Variants in MAPT observed in about 807,000 individuals in gnomAD.
MAPT encodes the protein microtubule-associated protein tau.
MAPT carries 34 observed loss-of-function variants against 67.9 expected under a neutral mutation model. That is an observed-to-expected ratio of 0.50 (90% confidence interval 0.38 to 0.67). The LOEUF is 0.67. Among genes scored for constraint, MAPT ranks in the 30% least tolerant of loss-of-function variants. MAPT has a pLI of 0.00. For missense variants in MAPT, 881 were observed against 1,115.2 expected, an observed-to-expected ratio of 0.79 and a Z score of 2.99; for synonymous variants, 456 against 464.5, an observed-to-expected ratio of 0.98 and a Z score of 0.23.
At chr17:46,001,073 T>C (rs2074960094) in intron 9 of MAPT, among the ~76,000 whole-genome samples, 1 of 151,960 alleles carries the variant, frequency 6.6e-6, no homozygotes, top group African/African-American at 2.4e-5. Flanking sequence ...TACAATTTTT[T>C]TTTTAATTAG....
chr17:45,902,284 T>C (rs1392503107), intron 1 of MAPT, among the ~76,000 whole-genome samples: 1 of 152,196 alleles, frequency 6.6e-6, no homozygotes, highest in Non-Finnish European at 1.5e-5. Context: ...TTGGCCAGGC[T>C]GGTCCCGAAC....
At chr17:45,944,622 G>A (rs182420420) in intron 1 of MAPT, among the ~76,000 whole-genome samples, 5 of 152,294 alleles carry the variant, frequency 3.3e-5, no homozygotes, top group African/African-American at 1.2e-4. Context: ...GGCCTCCCCA[G>A]CCCCTGCCAT....
intron 1 of MAPT, among the ~76,000 whole-genome samples, chr17:45,899,059 G>T (rs750710816): frequency 6.6e-6 from 1 of 152,190 alleles, no homozygotes; most frequent in Admixed American, 6.5e-5. Context: ...CTCAGCAGGT[G>T]ACGGGAAGAG....
chr17:45,976,852 C>T (rs1362898060), intron 3 of MAPT: 4 of 152,316 alleles, frequency 2.6e-5, no homozygotes, highest in African/African-American at 9.6e-5. Context: ...CACCCAGTGC[C>T]GTGGCAGTGA....
chr17:45,941,708 T>TGCC (rs2067981208), intron 1 of MAPT, among the ~76,000 whole-genome samples: 1 of 103,896 alleles, frequency 9.6e-6, no homozygotes, highest in Admixed American at 1.0e-4. Flanking sequence ...CCTGCCTGCC[T>TGCC]TCCTTCCTTC....
chr17:45,962,678 C>A (rs1361542672), intron 2 of MAPT, among the ~76,000 whole-genome samples: 1 of 152,202 alleles, frequency 6.6e-6, no homozygotes, highest in Non-Finnish European at 1.5e-5. Context: ...GTAATCCCAG[C>A]ACTTTGGAAG....
At chr17:45,922,937 A>G (rs8079630) in intron 1 of MAPT, among the ~76,000 whole-genome samples, 2 of 152,354 alleles carry the variant, frequency 1.3e-5, no homozygotes, top group East Asian at 1.9e-4. Context: ...AGCAACACCA[A>G]TGTCTTCCGG....
At chr17:46,007,811 C>T (rs2075554322) in intron 9 of MAPT, among the ~76,000 whole-genome samples, 2 of 152,006 alleles carry the variant, frequency 1.3e-5, no homozygotes, top group Admixed American at 1.3e-4. Context: ...TAACTTTGAC[C>T]CAGAAATTCT....
chr17:45,978,453 G>GGT lies in MAPT; in HGVS notation c.286+13_286+14insGT. On this transcript the variant is annotated intron_variant, in intron 4 of 12. Coordinates refer to ENST00000262410, the MANE Select transcript of MAPT (RefSeq NM_001377265.1). ...CACGTGACCCAAGGTCAGTGAACTG[G>GGT]AATTGCCTGCCATGACTTGGGGGTT... 6.7e-7 allele frequency: 1 copy of GGT among 1,495,082 alleles called. No individual in the cohort carries two copies. The highest frequency in any genetic ancestry group is 1.1e-5 in the South Asian group (1 of 89,362). The allele number at this position is 1,495,082 out of a possible 1,614,324, so 92.6% of individuals were successfully genotyped here. A position where few individuals can be genotyped will look rare whatever the true frequency, so the allele number is the denominator to read the frequency against.
rs1491426788 is a variant in MAPT at position 45,941,688 on chromosome 17, T to TTCCTTCCC, written c.-17-20626_-17-20625insCTCCTTCC. On this transcript the variant is annotated intron_variant, in intron 1 of 12. Coordinates refer to ENST00000262410, the MANE Select transcript of MAPT (RefSeq NM_001377265.1). ...CCCCCTTCCCCCCTTCCCTCCTTCCTTCCTTCCTTCCTGCCTGCCTTCCTT... is the reference window on the plus strand; with the variant it reads ...CCCCCTTCCCCCCTTCCCTCCTTCCTTCCTTCCCTCCTTCCTTCCTGCCTGCCTTCCTT... Among the ~76,000 whole-genome samples, 163 of 58,494 alleles carry TTCCTTCCC rather than the reference T, an allele frequency of 2.8e-3. 7 individuals carry two copies. The highest frequency in any genetic ancestry group is 8.1e-3 in the Middle Eastern group (1 of 124). 38.4% of individuals were successfully genotyped at this position (58,494 alleles called of 152,430 possible).
chr17:45,970,755 G>T (rs1281703600), intron 2 of MAPT, among the ~76,000 whole-genome samples: 1 of 152,176 alleles, frequency 6.6e-6, no homozygotes, highest in Non-Finnish European at 1.5e-5. Context: ...CAGCCATCTT[G>T]CCCCTTGGTC....
intron 1 of MAPT, among the ~76,000 whole-genome samples, chr17:45,921,993 A>G (rs1057481531): frequency 6.6e-6 from 1 of 151,770 alleles, no homozygotes; most frequent in African/African-American, 2.4e-5. Context: ...GGCTCCATAG[A>G]ATGGCTGATT....
intron 1 of MAPT, among the ~76,000 whole-genome samples, chr17:45,937,012 C>T (rs147983696): frequency 2.0e-5 from 3 of 152,320 alleles, no homozygotes; most frequent in Non-Finnish European, 4.4e-5. Flanking sequence ...GAGCTCCCCA[C>T]TCCCCGTCCC....
chr17:45,942,542 C>T (rs554488980), intron 1 of MAPT, among the ~76,000 whole-genome samples: 3 of 152,214 alleles, frequency 2.0e-5, no homozygotes, highest in Admixed American at 1.3e-4. Flanking sequence ...ATTGCTTCCC[C>T]GCTGGTGGAC....
chr17:45,997,124 A>G (rs2074548852), intron 9 of MAPT, among the ~76,000 whole-genome samples: 1 of 151,936 alleles, frequency 6.6e-6, no homozygotes, highest in Admixed American at 6.6e-5. Flanking sequence ...GATTCTGGGG[A>G]GATTGGGGGT....
chr17:45,987,187 G>C (rs1481933069), intron 6 of MAPT, 92 bp downstream of exon 6: 10 of 1,246,950 alleles, frequency 8.0e-6, no homozygotes, highest in Non-Finnish European at 1.2e-5. Flanking sequence ...ATAATGTGGG[G>C]AGTATTTGTC....
chr17:45,899,969 T>C (rs182058583), intron 1 of MAPT, among the ~76,000 whole-genome samples: 1 of 152,254 alleles, frequency 6.6e-6, no homozygotes, highest in Admixed American at 6.5e-5. Context: ...AAGACGTAGA[T>C]TCAGTGTGGC....
In MAPT at chr17:45,983,443, G is replaced by A; in HGVS notation, c.864G>A (p.Gly288=). The A allele has an allele frequency of 6.2e-7, 1 of 1,606,682 alleles. No homozygotes were observed. Among genetic ancestry groups the A allele is most frequent in the Admixed American group, 1.7e-5 (1 of 59,672 alleles). The change falls in exon 5 of 13, where the codon GGG becomes GGA. Residue 288 remains glycine, a synonymous_variant. Transcript: ENST00000262410. ...GGGCAGGGGGCAAAGAGAGGCCGGG[G>A]AGCAAGGAGGAGGTGGATGAAGACC... ...LKGAGGKERP[G]SKEEVDEDRD... is the part of the protein sequence containing the mutation.
chr17:45,947,614 C>G (rs898109820), intron 1 of MAPT, among the ~76,000 whole-genome samples: 2 of 151,982 alleles, frequency 1.3e-5, no homozygotes, highest in African/African-American at 4.8e-5. Context: ...TCTCGAACTC[C>G]TGACCTCAGA....
Sources: allele counts gnomAD v4.1 joint callset (sites outside exome capture counted in the v4.1 genomes callset), GRCh38; gene constraint gnomAD v4.1.1; transcripts MANE v1.5; gene names NCBI Gene and HGNC (gene_info 2026-07-23, HGNC 2026-07-21).